OLFM3: variants seen among roughly 807,000 people sequenced by gnomAD.
OLFM3 encodes noelin-3.
In OLFM3, 20 loss-of-function variants were observed where a neutral mutation model predicts 48.6. The ratio of observed to expected loss-of-function variants is 0.41; its 90% CI spans 0.29 to 0.60. The LOEUF is 0.60. Ranked by LOEUF, OLFM3 falls within the 20% of genes least tolerant of loss-of-function variation. OLFM3 has a pLI of 0.28. For synonymous variants in OLFM3, 222 were observed against 198.1 expected, an observed-to-expected ratio of 1.12 and a Z score of -1.01; for missense variants, 437 against 544.3, an observed-to-expected ratio of 0.80 and a Z score of 1.96.
intron 1 of OLFM3, among the ~76,000 whole-genome samples, chr1:101,928,449 T>C (rs1429092558): frequency 6.6e-6 from 1 of 152,140 alleles, no homozygotes. Context: ...ACTTGTGTCT[T>C]CTTTTACTAA....
rs144084931 is a variant in OLFM3, at chr1:101,925,526, A to C, written c.69+71222T>G. 3.3e-5 allele frequency among the ~76,000 whole-genome samples: 5 copies of C among 151,366 alleles called. No homozygotes were observed. The East Asian group carries it at 9.8e-4, about 30-fold the overall frequency. On this transcript the variant is annotated intron_variant, in intron 1 of 5. Transcript: ENST00000370103. ...TCTATTTTAATTTTTTATTTAATTAATTTATTCTTACAGACAGGATCTTGC... is the reference window on the plus strand; with the variant it reads ...TCTATTTTAATTTTTTATTTAATTACTTTATTCTTACAGACAGGATCTTGC...
intron 1 of OLFM3, among the ~76,000 whole-genome samples, chr1:101,952,260 C>T (rs181088380): frequency 0.01 from 1,550 of 152,152 alleles, 19 homozygotes; most frequent in Middle Eastern, 0.027. Context: ...TATAGGTTTT[C>T]TTGGCTAGTT....
chr1:101,814,058 CTTT>C (rs1363898214), intron 4 of OLFM3, among the ~76,000 whole-genome samples: 1 of 152,056 alleles, frequency 6.6e-6, no homozygotes, highest in Non-Finnish European at 1.5e-5. Context: ...GGACAAAGTG[CTTT>C]GCATAAAGTT....
chr1:101,840,694 C>G (rs1292029513), intron 1 of OLFM3, among the ~76,000 whole-genome samples: 1 of 152,132 alleles, frequency 6.6e-6, no homozygotes, highest in African/African-American at 2.4e-5. Flanking sequence ...CTACCTCGCA[C>G]TCCTGGACTC....
intron 1 of OLFM3, among the ~76,000 whole-genome samples, chr1:101,877,879 C>G (rs969812254): frequency 1.3e-5 from 2 of 151,070 alleles, no homozygotes; most frequent in Non-Finnish European, 3.0e-5. Context: ...TGTAATAAAG[C>G]CTTAGTACTG....
At chr1:101,911,970 C>G (rs141715523) in intron 1 of OLFM3, among the ~76,000 whole-genome samples, 2 of 152,102 alleles carry the variant, frequency 1.3e-5, no homozygotes, top group East Asian at 3.9e-4. Flanking sequence ...ATATGGAGTA[C>G]GTAAGTTATT....
At chr1:101,808,125 A>C (rs181011423) in intron 4 of OLFM3, among the ~76,000 whole-genome samples, 1 of 105,510 alleles carries the variant, frequency 9.5e-6, no homozygotes, top group East Asian at 3.2e-4. Context: ...TCCCCTAAAA[A>C]CGTCATAAAA....
At chr1:101,948,258 T>A (rs1386376804) in intron 1 of OLFM3, among the ~76,000 whole-genome samples, 1 of 152,200 alleles carries the variant, frequency 6.6e-6, no homozygotes, top group Non-Finnish European at 1.5e-5. Flanking sequence ...GTTCAAATCC[T>A]GTCAGCCTTT....
intron 1 of OLFM3, among the ~76,000 whole-genome samples, chr1:101,964,518 G>A (rs1056426402): frequency 7.2e-5 from 11 of 152,098 alleles, no homozygotes; most frequent in African/African-American, 2.4e-4. Context: ...CAGCAATAAA[G>A]CCTCGTGTTT....
At chr1:101,994,599 T>TATATAA (rs1321902485) in intron 1 of OLFM3, among the ~76,000 whole-genome samples, 1 of 148,308 alleles carries the variant, frequency 6.7e-6, no homozygotes, top group Admixed American at 6.7e-5. Context: ...AAATATATAT[T>TATATAA]ATATAAATAT....
intron 1 of OLFM3, among the ~76,000 whole-genome samples, chr1:101,993,662 C>T (rs1245786761): frequency 6.6e-6 from 1 of 151,872 alleles, no homozygotes; most frequent in East Asian, 1.9e-4. Context: ...AACAAATTTC[C>T]TAAAAGAAAA....
In OLFM3 at chr1:101,804,825, A is replaced by C; in HGVS notation, c.790T>G (p.Tyr264Asp). ...DFVSGAESRTYNLPFKWAGTN... is the reference protein window; with the variant it reads ...DFVSGAESRTDNLPFKWAGTN... The stretch of plus-strand genomic sequence containing the variant: ...CCTGCCCACTTGAAAGGAAGGTTGT[A>C]TGTCCTTGATTCAGCCCCACTGACA... Residue 264 changes from tyrosine to aspartate, a missense_variant, in exon 6 of 6, where the codon TAC becomes GAC. Coordinates refer to ENST00000370103, the MANE Select transcript of OLFM3 (RefSeq NM_058170.4). The surrounding 1 kb of genome is among the most constrained non-coding windows in gnomAD (Gnocchi z 4.5). 1 of 1,612,554 alleles carries C rather than the reference A, an allele frequency of 6.2e-7. No individual in the cohort carries two copies.
chr1:101,864,790 A>G (rs1253837025), intron 1 of OLFM3, among the ~76,000 whole-genome samples: 1 of 152,148 alleles, frequency 6.6e-6, no homozygotes, highest in Non-Finnish European at 1.5e-5. Context: ...CTTTACCTCA[A>G]ACACTTGTGG....
At chr1:101,969,269 C>A (rs1393671510) in intron 1 of OLFM3, among the ~76,000 whole-genome samples, 1 of 152,122 alleles carries the variant, frequency 6.6e-6, no homozygotes, top group African/African-American at 2.4e-5. Flanking sequence ...CCTGCCTTAG[C>A]CCCTGAGTAG....
chr1:101,996,333 GA>G (rs1334954039), intron 1 of OLFM3, among the ~76,000 whole-genome samples: 6 of 152,144 alleles, frequency 3.9e-5, no homozygotes, highest in African/African-American at 1.4e-4. Flanking sequence ...GGATCAGCTG[GA>G]AAACGCTTCC....
In OLFM3 at chr1:101,910,535, AC is replaced by A. The variant is rs375911829; in HGVS notation, c.70-73511del. On this transcript the variant is annotated intron_variant, in intron 1 of 5. Coordinates refer to ENST00000370103, the MANE Select transcript of OLFM3 (RefSeq NM_058170.4). ...AATAGACTAAAGAGTATAAATTCAG[AC>A]TTCTGTCCTCAAAAGCTTATCAACA... Among the ~76,000 whole-genome samples the A allele has an allele frequency of 2.2e-3, 330 of 152,206 alleles. 1 individual carries two copies. The highest frequency in any genetic ancestry group is 7.8e-3 in the African/African-American group (323 of 41,532).
At chr1:101,901,385 A>AT (rs1229017216) in intron 1 of OLFM3, among the ~76,000 whole-genome samples, 1 of 152,124 alleles carries the variant, frequency 6.6e-6, no homozygotes, top group Non-Finnish European at 1.5e-5. Context: ...TGAGACAAGC[A>AT]TTTGAGAAAC....
At chr1:101,983,703 A>G (rs1464155051) in intron 1 of OLFM3, among the ~76,000 whole-genome samples, 11 of 152,204 alleles carry the variant, frequency 7.2e-5, no homozygotes, top group Non-Finnish European at 1.5e-5. Context: ...ACATTTTCTT[A>G]AACCTAAAAG....
chr1:101,928,297 A>G (rs981427032), intron 1 of OLFM3, among the ~76,000 whole-genome samples: 1 of 152,156 alleles, frequency 6.6e-6, no homozygotes, highest in Admixed American at 6.6e-5. Context: ...CGAGAAACAA[A>G]CAAACAAAAA....
Sources: gnomAD v4.1 joint callset for allele counts (sites outside exome capture counted in the v4.1 genomes callset) on GRCh38, gnomAD v4.1.1 for gene constraint, Gnocchi (gnomAD v3.1) non-coding constraint, MANE v1.5 for transcripts, NCBI Gene and HGNC (gene_info 2026-07-23, HGNC 2026-07-21) for gene names.